The following PRB3 variants were observed in gnomAD, a reference collection of about 807,000 sequenced individuals.
PRB3 encodes basic salivary proline-rich protein 3.
A neutral mutation model predicts 10.0 loss-of-function variants in PRB3; 9 were observed. The observed-to-expected ratio is 0.90, with a 90% confidence interval of 0.54 to 1.57. The LOEUF (loss-of-function observed/expected upper bound fraction) is 1.57, where lower values mean the gene tolerates loss of function less well. Among genes scored for constraint, PRB3 ranks in the 40% most tolerant of loss-of-function variants. The probability of loss-of-function intolerance (pLI) is 0.00; values close to 1 mark genes in which losing one functional copy is unlikely to be tolerated. For missense variants in PRB3, 285 were observed against 385.5 expected (o/e 0.74, Z 2.18); for synonymous variants, 89 against 138.6 (o/e 0.64, Z 2.52).
rs532617149 is a variant in PRB3, at chr12:11,266,894, G to T, written c.*17+282C>A. On this transcript the variant is annotated intron_variant, in intron 3 of 3. Coordinates refer to ENST00000538488, the MANE Select transcript of PRB3 (RefSeq NM_001394862.1). ...TGCAATATCTCTGAGTTTGTGGACC[G>T]AAAGCAGAGCACCAAGAATGGACAT... is the stretch of plus-strand genomic sequence containing the variant. Among the ~76,000 whole-genome samples, 17 of 152,274 alleles carry T rather than the reference G, an allele frequency of 1.1e-4. No homozygotes were observed. The South Asian group carries it at 2.7e-3, about 24-fold the overall frequency.
chr12:11,268,200 C>T (rs1317645161), intron 2 of PRB3, 52 bp from the exon 3 acceptor site: 2 of 1,612,464 alleles, frequency 1.2e-6, no homozygotes, highest in African/African-American at 2.7e-5. Context: ...CAAATTTTTA[C>T]AGTAACGCAG....
intron 1 of PRB3, 127 bp downstream of exon 1, chr12:11,269,479 C>T: frequency 8.7e-7 from 1 of 1,148,162 alleles, no homozygotes; most frequent in Non-Finnish European, 1.3e-6. Context: ...AACAGGTCTC[C>T]TGATCCTAGG....
At chr12:11,268,466 CTCATGG>C (rs1365864563) in intron 2 of PRB3, among the ~76,000 whole-genome samples, 161 bp downstream of exon 2, 1 of 152,134 alleles carries the variant, frequency 6.6e-6, no homozygotes, top group Non-Finnish European at 1.5e-5. Context: ...GGTGGCCCTG[CTCATGG>C]TCCCCAAAAT....
rs548163186 is a variant in PRB3 at position 11,265,922 on chromosome 12, T to A, written c.*125A>T. On this transcript the variant is annotated 3_prime_UTR_variant, in exon 4 of 4. Coordinates refer to ENST00000538488, the MANE Select transcript of PRB3 (RefSeq NM_001394862.1). Reference sequence around the variant, plus strand: ...AGAAAGAGACACCACAATCAGAAATTGTAAGCTGTTTATTTTATTGGTATA... The same window carrying A: ...AGAAAGAGACACCACAATCAGAAATAGTAAGCTGTTTATTTTATTGGTATA... 15 of 455,566 alleles carry A rather than the reference T, an allele frequency of 3.3e-5. No individual in the cohort carries two copies. The highest frequency in any genetic ancestry group is 2.4e-4 in the African/African-American group (12 of 50,104). The allele number at this position is 455,566 out of a possible 1,614,324, so 28.2% of individuals were successfully genotyped here. A position where few individuals can be genotyped will look rare whatever the true frequency, so the allele number is the denominator to read the frequency against.
intron 1 of PRB3, 129 bp from the exon 2 acceptor site, chr12:11,268,797 A>G (rs1948622756): frequency 8.8e-7 from 1 of 1,133,340 alleles, no homozygotes; most frequent in Non-Finnish European, 1.3e-6. Context: ...ATCAGCTACC[A>G]TCTGTGAAGC....
At position 11,267,986 on chromosome 12, in the gene PRB3, T is replaced by G. The variant is rs768017091; in HGVS notation, c.263A>C (p.Gln88Pro). Residue 88 changes from glutamine to proline, a missense_variant, in exon 3 of 4, where the codon CAG (glutamine) becomes CCG (proline). By Grantham distance (76) the Gln-to-Pro change is moderately conservative. Around this residue, in one of 3 missense-constraint regions of PRB3, gnomAD observed 147 missense variants for 129.4 expected, o/e 1.14. Coordinates refer to ENST00000538488, the MANE Select transcript of PRB3 (RefSeq NM_001394862.1). The stretch of plus-strand genomic sequence containing the variant: ...CGGACGAGGTGGGGGACCTTGGGAC[T>G]GGTTTCCTCCTTGTGGGGGTGGTCC... The part of the protein sequence containing the change: ...PEGPPPQGGN[Q>P]SQGPPPRPGK... 1 of 1,590,044 alleles carries G rather than the reference T, an allele frequency of 6.3e-7. No homozygotes were observed. Among genetic ancestry groups the G allele is most frequent in the South Asian group, 1.1e-5 (1 of 89,798 alleles).
Position 11,267,355 on chromosome 12 carries a change from T to G in PRB3, c.894A>C (p.Lys298Asn). The change falls in exon 3 of 4, where the codon AAA becomes AAC. Residue 298 changes from lysine to asparagine, a missense_variant. Coordinates refer to ENST00000538488, the MANE Select transcript of PRB3 (RefSeq NM_001394862.1). ...TTCCTGGAGGAGGGGGACGTTGAGGTTTGTTACCTTCTTGTGGGGGTGGTC... is the reference window on the plus strand; with the variant it reads ...TTCCTGGAGGAGGGGGACGTTGAGGGTTGTTACCTTCTTGTGGGGGTGGTC... ...PQGPPPQEGN[K>N]PQRPPPPGRP... is the part of the protein sequence containing the mutation. The G allele has an allele frequency of 1.3e-6, 2 of 1,552,238 alleles. No homozygotes were observed. Among genetic ancestry groups the G allele is most frequent in the Non-Finnish European group, 1.7e-6 (2 of 1,144,864 alleles).
intron 1 of PRB3, among the ~76,000 whole-genome samples, chr12:11,269,079 C>T (rs138573282): frequency 1.3e-5 from 2 of 152,298 alleles, no homozygotes; most frequent in East Asian, 3.9e-4. Flanking sequence ...CTATACCACT[C>T]CCAGCACATT....
Position 11,267,884 on chromosome 12 carries a change from C to A in PRB3, c.365G>T (p.Gly122Val), listed in dbSNP as rs1592171426. Residue 122 changes from glycine (G) to valine (V), a missense_variant, in exon 3 of 4, where the codon GGA becomes GTA. Transcript: ENST00000538488. ...GPPPRPGKPE[G>V]PPPQGGNQSQ... ...CTGGTTTCCTCCTTGTGGGGGTGGT[C>A]CTTCTGGCTTTCCCGGACGAGGTGG... 2.8e-6 allele frequency: 4 copies of A among 1,410,862 alleles called. 1 individual carries two copies. Among genetic ancestry groups the A allele is most frequent in the Non-Finnish European group, 9.5e-7 (1 of 1,048,808 alleles). The allele number at this position is 1,410,862 out of a possible 1,614,324, so 87.4% of individuals were successfully genotyped here. A position where few individuals can be genotyped will look rare whatever the true frequency, so the allele number is the denominator to read the frequency against.
In PRB3 at chr12:11,269,123, A is replaced by G. The variant is rs1187040850; in HGVS notation, c.65-455T>C. ...GTGTGTAGGGGAAAGAAAAATCACAATGATTGAATCTGATATTTCTATATC... is the reference window on the plus strand; with the variant it reads ...GTGTGTAGGGGAAAGAAAAATCACAGTGATTGAATCTGATATTTCTATATC... On this transcript the variant is annotated intron_variant, in intron 1 of 3. Coordinates refer to ENST00000538488, the MANE Select transcript of PRB3 (RefSeq NM_001394862.1). Among the ~76,000 whole-genome samples the G allele has an allele frequency of 3.9e-5, 6 of 152,134 alleles. No homozygotes were observed. In the South Asian group the frequency reaches 1.2e-3, roughly 32 times the overall value.
intron 3 of PRB3, 33 bp from the exon 4 acceptor site, chr12:11,266,062 A>T (rs906929534): frequency 2.2e-6 from 1 of 454,754 alleles, no homozygotes; most frequent in African/African-American, 2.0e-5. Flanking sequence ...TTCATAGAGC[A>T]GACTTGACAT....
chr12:11,268,339 G>C (rs575812869), intron 2 of PRB3, among the ~76,000 whole-genome samples, 191 bp from the exon 3 acceptor site: 1 of 152,264 alleles, frequency 6.6e-6, no homozygotes, highest in African/African-American at 2.4e-5. Context: ...GTCTAAGGAG[G>C]AGTCAGAATA....
At chr12:11,269,582 C>T in intron 1 of PRB3, 24 bp downstream of exon 1, 1 of 1,613,592 alleles carries the variant, frequency 6.2e-7, no homozygotes, top group Non-Finnish European at 8.5e-7. Flanking sequence ...AGAGTCACCA[C>T]ATCTTCTCCT....
At chr12:11,266,410 A>G (rs1318351402) in intron 3 of PRB3, among the ~76,000 whole-genome samples, 1 of 152,244 alleles carries the variant, frequency 6.6e-6, no homozygotes, top group African/African-American at 2.4e-5. Flanking sequence ...CAGCCACACA[A>G]TGGAGTAGCA....
At chr12:11,268,537 C>T (rs988703666) in intron 2 of PRB3, 96 bp downstream of exon 2, 36 of 1,458,434 alleles carry the variant, frequency 2.5e-5, no homozygotes, top group Non-Finnish European at 3.3e-5. Flanking sequence ...TAATCAATTT[C>T]TAAAGGAAAA....
At position 11,268,613 on chromosome 12, in the gene PRB3, G is replaced by A; in HGVS notation, c.100+20C>T. Reference sequence around the variant, plus strand: ...CAGAAGAAGATAGTTAAAACAGATTGAGAGTGAATTGGGATTTACCTGATA... The same window carrying A: ...CAGAAGAAGATAGTTAAAACAGATTAAGAGTGAATTGGGATTTACCTGATA... On this transcript the variant is annotated intron_variant, in intron 2 of 3. Transcript: ENST00000538488. 2 of 1,597,032 alleles carry A rather than the reference G, an allele frequency of 1.3e-6. No individual in the cohort carries two copies.
At chr12:11,266,786 G>A (rs1487678011) in intron 3 of PRB3, among the ~76,000 whole-genome samples, 1 of 152,172 alleles carries the variant, frequency 6.6e-6, no homozygotes, top group Non-Finnish European at 1.5e-5. Context: ...TGAAAGATCA[G>A]GGACCATTTG....
intron 3 of PRB3, among the ~76,000 whole-genome samples, 191 bp downstream of exon 3, chr12:11,266,985 A>T (rs1388652746): frequency 6.6e-6 from 1 of 152,242 alleles, no homozygotes; most frequent in African/African-American, 2.4e-5. Flanking sequence ...TCTCAACATC[A>T]GAGTTCCTTA....
chr12:11,267,467 G>A lies in PRB3; in HGVS notation c.782C>T (p.Pro261Leu). Residue 261 changes from proline (P) to leucine (L), a missense_variant, in exon 3 of 4, where the codon CCA (proline) becomes CTA (leucine). By Grantham distance (98) the Pro-to-Leu change is moderately conservative (BLOSUM62 -3). Around this residue, in one of 3 missense-constraint regions of PRB3, gnomAD observed 30 missense variants for 149.2 expected, o/e 0.20. Transcript: ENST00000538488. ...PQGGNQSQGPPPRPGKPEGPP... is the reference protein window; with the variant it reads ...PQGGNQSQGPLPRPGKPEGPP... ...TCCTTCTGGCTTTCCTGGACGAGGT[G>A]GGGGACCTTGGGACTGGTTTCCTCC... is the stretch of plus-strand genomic sequence containing the variant. The A allele has an allele frequency of 8.1e-7, 1 of 1,230,542 alleles. No individual in the cohort carries two copies. The highest frequency in any genetic ancestry group is 1.0e-6 in the Non-Finnish European group (1 of 958,024). 76.2% of individuals were successfully genotyped at this position (1,230,542 alleles called of 1,614,324 possible).
Sources: gnomAD v4.1 joint callset for allele counts (sites outside exome capture counted in the v4.1 genomes callset) on GRCh38, gnomAD v4.1.1 for gene constraint, gnomAD v4.1.1 regional missense constraint, MANE v1.5 for transcripts, NCBI Gene and HGNC (gene_info 2026-07-23, HGNC 2026-07-21) for gene names.